FGF14: variants seen among roughly 807,000 people sequenced by gnomAD.
The protein encoded by FGF14 is fibroblast growth factor 14, also known as fibroblast growth factor homologous factor 4.
A neutral mutation model predicts 25.5 loss-of-function variants in FGF14; 5 were observed. That is an observed-to-expected ratio of 0.20 (90% CI 0.10 to 0.41). The LOEUF (loss-of-function observed/expected upper bound fraction) is 0.41. Among genes scored for constraint, FGF14 ranks in the 10% least tolerant of loss-of-function variants. The pLI, the probability that FGF14 is intolerant of heterozygous loss-of-function variation, is 1.00. For missense variants in FGF14, 222 were observed against 320.1 expected (o/e 0.69, Z 2.34); for synonymous variants, 138 against 118.3 (o/e 1.17, Z -1.08).
chr13:101,857,879 A>C (rs530518717), intron 3 of FGF14, among the ~76,000 whole-genome samples: 1 of 152,048 alleles, frequency 6.6e-6, no homozygotes, highest in Non-Finnish European at 1.5e-5. Flanking sequence ...AACAAACAAC[A>C]TAAAAAAGAA....
chr13:102,224,668 A>G (rs1165581347), intron 1 of FGF14, among the ~76,000 whole-genome samples: 3 of 152,200 alleles, frequency 2.0e-5, no homozygotes, highest in Non-Finnish European at 2.9e-5. Context: ...AAACTATTCA[A>G]TATGCTGCTA....
intron 1 of FGF14, among the ~76,000 whole-genome samples, chr13:101,889,997 A>C (rs2046189263): frequency 6.6e-6 from 1 of 152,182 alleles, no homozygotes; most frequent in East Asian, 1.9e-4. Flanking sequence ...CTCTCCTGTC[A>C]AGAACCAGTC....
At chr13:102,073,208 T>C (rs567637928) in intron 1 of FGF14, among the ~76,000 whole-genome samples, 2 of 152,266 alleles carry the variant, frequency 1.3e-5, no homozygotes, top group South Asian at 4.2e-4. Flanking sequence ...GCTGAGATCA[T>C]GCCACTGCAC....
chr13:101,761,440 A>G (rs2038022008), intron 3 of FGF14, among the ~76,000 whole-genome samples: 1 of 152,182 alleles, frequency 6.6e-6, no homozygotes, highest in Non-Finnish European at 1.5e-5. Context: ...TTGGCCAGTC[A>G]GGGGAAAGTT....
At chr13:101,833,612 T>C (rs2042783462) in intron 3 of FGF14, among the ~76,000 whole-genome samples, 1 of 152,054 alleles carries the variant, frequency 6.6e-6, no homozygotes, top group South Asian at 2.1e-4. Context: ...TGTGTGTATA[T>C]ACATATATAC....
At position 101,900,038 on chromosome 13, in the gene FGF14, T is replaced by C. The variant is rs142340906; in HGVS notation, c.193+16415A>G. Among the ~76,000 whole-genome samples the C allele has an allele frequency of 7.9e-3, 1,199 of 152,226 alleles. 14 individuals are homozygous for C. Among genetic ancestry groups the C allele is most frequent in the African/African-American group, 0.027 (1,135 of 41,574 alleles). On this transcript the variant is annotated intron_variant, in intron 1 of 4. Coordinates refer to ENST00000376143, the MANE Select transcript of FGF14 (RefSeq NM_004115.4). ...CTAGAAATTTAGTAATTTTTTGTTA[T>C]AAAAAGATAACCAGACAATTGTTAA...
intron 1 of FGF14, among the ~76,000 whole-genome samples, chr13:101,964,937 T>C (rs913191769): frequency 6.6e-6 from 1 of 152,094 alleles, no homozygotes; most frequent in Non-Finnish European, 1.5e-5. Flanking sequence ...GCATATTATC[T>C]CCTTCAAAAC....
intron 1 of FGF14, among the ~76,000 whole-genome samples, chr13:102,347,341 G>A (rs779570922): frequency 3.3e-5 from 5 of 152,188 alleles, no homozygotes; most frequent in Admixed American, 6.5e-5. Context: ...TAATTCTACC[G>A]TAGAAAGTGT....
At chr13:101,881,559 G>A (rs1156718790) in intron 1 of FGF14, among the ~76,000 whole-genome samples, 4 of 152,118 alleles carry the variant, frequency 2.6e-5, no homozygotes, top group Non-Finnish European at 5.9e-5. Flanking sequence ...CAAAATTCTT[G>A]TGCATATTTA....
intron 1 of FGF14, among the ~76,000 whole-genome samples, chr13:102,306,660 A>C (rs1185548882): frequency 6.6e-6 from 1 of 152,160 alleles, no homozygotes; most frequent in African/African-American, 2.4e-5. Context: ...TAATCACATA[A>C]GTATTTCTCA....
chr13:102,303,383 T>A (rs1490075089), intron 1 of FGF14, among the ~76,000 whole-genome samples: 2 of 152,224 alleles, frequency 1.3e-5, no homozygotes, highest in Admixed American at 6.5e-5. Flanking sequence ...TTTATGGTTA[T>A]AAACACACCA....
At chr13:102,085,215 T>TC (rs2043837475) in intron 1 of FGF14, among the ~76,000 whole-genome samples, 1 of 151,586 alleles carries the variant, frequency 6.6e-6, no homozygotes, top group East Asian at 1.9e-4. Flanking sequence ...TCTTTCCTTT[T>TC]TTCCCCCACC....
At chr13:101,845,048 C>T (rs2043381226) in intron 3 of FGF14, among the ~76,000 whole-genome samples, 1 of 151,956 alleles carries the variant, frequency 6.6e-6, no homozygotes, top group African/African-American at 2.4e-5. Context: ...ACTTGTCCTA[C>T]AAGATACAAA....
At chr13:102,038,601 G>A (rs1279910761) in intron 1 of FGF14, among the ~76,000 whole-genome samples, 3 of 152,060 alleles carry the variant, frequency 2.0e-5, no homozygotes, top group South Asian at 2.1e-4. Flanking sequence ...AAACCTGCAA[G>A]AAATTCTTAA....
chr13:102,073,215 G>A (rs2043221027), intron 1 of FGF14, among the ~76,000 whole-genome samples: 1 of 152,168 alleles, frequency 6.6e-6, no homozygotes, highest in Non-Finnish European at 1.5e-5. Flanking sequence ...TCATGCCACT[G>A]CACTCCAGTC....
At chr13:102,377,191 G>A (rs560158385) in intron 1 of FGF14, among the ~76,000 whole-genome samples, 1 of 152,216 alleles carries the variant, frequency 6.6e-6, no homozygotes, top group Non-Finnish European at 1.5e-5. Context: ...AAATTGACAG[G>A]ACAGGCTATT....
At chr13:102,252,784 A>ACATTAGGT (rs1167762506) in intron 1 of FGF14, among the ~76,000 whole-genome samples, 2 of 152,046 alleles carry the variant, frequency 1.3e-5, no homozygotes, top group Non-Finnish European at 2.9e-5. Flanking sequence ...CCCAACATCT[A>ACATTAGGT]CATTAGGTAT....
chr13:101,734,048 G>C (rs915118162), intron 3 of FGF14, among the ~76,000 whole-genome samples: 3 of 151,960 alleles, frequency 2.0e-5, no homozygotes, highest in Non-Finnish European at 4.4e-5. Flanking sequence ...GTGTGTGTGT[G>C]TGCACGTACA....
At chr13:102,118,955 A>C (rs1164127333) in intron 1 of FGF14, among the ~76,000 whole-genome samples, 1 of 152,168 alleles carries the variant, frequency 6.6e-6, no homozygotes, top group Non-Finnish European at 1.5e-5. Flanking sequence ...GTTCATTCCC[A>C]GCTAATAAAT....
Sources: allele counts gnomAD v4.1 joint callset (sites outside exome capture counted in the v4.1 genomes callset), GRCh38; gene constraint gnomAD v4.1.1; transcripts MANE v1.5; gene names NCBI Gene and HGNC (gene_info 2026-07-23, HGNC 2026-07-21).